Variants in CHST11 observed in about 807,000 individuals in gnomAD.
CHST11 encodes C4S-1.
CHST11 carries 9 observed loss-of-function variants against 30.4 expected under a neutral mutation model. The observed-to-expected ratio is 0.30, with a 90% confidence interval of 0.18 to 0.52. The LOEUF is 0.52. Among genes scored for constraint, CHST11 ranks in the 20% least tolerant of loss-of-function variants. CHST11 has a pLI of 0.97. For synonymous variants in CHST11, 152 were observed against 187.8 expected, an observed-to-expected ratio of 0.81 and a Z score of 1.56; for missense variants, 348 against 460.6, an observed-to-expected ratio of 0.76 and a Z score of 2.24.
At chr12:104,585,218 C>T (rs1419937696) in intron 1 of CHST11, among the ~76,000 whole-genome samples, 2 of 152,286 alleles carry the variant, frequency 1.3e-5, no homozygotes, top group South Asian at 2.1e-4. Context: ...GTTCAACAGC[C>T]GCACTTCAGC....
chr12:104,559,964 G>A (rs190313799), intron 1 of CHST11, among the ~76,000 whole-genome samples: 90 of 152,302 alleles, frequency 5.9e-4, no homozygotes, highest in Admixed American at 9.2e-4. Context: ...GGAAGGTACC[G>A]TTGAGGAAGT....
chr12:104,670,510 AAC>A (rs2039682695), intron 2 of CHST11, among the ~76,000 whole-genome samples: 1 of 146,308 alleles, frequency 6.8e-6, no homozygotes, highest in African/African-American at 2.6e-5. Flanking sequence ...CACTCACACA[AAC>A]ACATCCATAC....
chr12:104,529,143 T>G (rs2135993506), intron 1 of CHST11, among the ~76,000 whole-genome samples: 1 of 152,328 alleles, frequency 6.6e-6, no homozygotes, highest in South Asian at 2.1e-4. Context: ...GGGAAGGAGA[T>G]GAGGGCAAAT....
intron 1 of CHST11, among the ~76,000 whole-genome samples, chr12:104,463,783 C>T (rs191244223): frequency 2.6e-5 from 4 of 152,192 alleles, no homozygotes; most frequent in Admixed American, 2.0e-4. Flanking sequence ...ATGAAGGAGC[C>T]GGCCATGTTC....
At chr12:104,474,542 T>A (rs1037068899) in intron 1 of CHST11, among the ~76,000 whole-genome samples, 63 of 152,218 alleles carry the variant, frequency 4.1e-4, no homozygotes, top group Admixed American at 1.3e-3. Context: ...ATGAGATTTT[T>A]AAAAATAAAT....
At chr12:104,583,093 G>T (rs142714950) in intron 1 of CHST11, among the ~76,000 whole-genome samples, 1 of 152,086 alleles carries the variant, frequency 6.6e-6, no homozygotes, top group Non-Finnish European at 1.5e-5. Context: ...ACATACATAT[G>T]TGTTGTATAC....
chr12:104,536,693 C>A (rs948044214), intron 1 of CHST11, among the ~76,000 whole-genome samples: 1 of 152,164 alleles, frequency 6.6e-6, no homozygotes, highest in Non-Finnish European at 1.5e-5. Context: ...CCTCACAGGG[C>A]TTTTAAGAGA....
intron 2 of CHST11, among the ~76,000 whole-genome samples, chr12:104,651,341 T>C: frequency 6.6e-6 from 1 of 152,248 alleles, no homozygotes; most frequent in East Asian, 1.9e-4. Flanking sequence ...TTTGTTTCTT[T>C]GGAAGCTGCT....
At chr12:104,548,836 T>C (rs1036581691) in intron 1 of CHST11, among the ~76,000 whole-genome samples, 6 of 152,242 alleles carry the variant, frequency 3.9e-5, no homozygotes, top group African/African-American at 1.4e-4. Flanking sequence ...CAACCAAGAC[T>C]ATCTGAAAAG....
chr12:104,648,019 G>A (rs1235664288), intron 2 of CHST11, among the ~76,000 whole-genome samples: 1 of 152,226 alleles, frequency 6.6e-6, no homozygotes, highest in Non-Finnish European at 1.5e-5. Context: ...GGTCTCAGAA[G>A]CCACATGCTG....
At chr12:104,751,649 G>A (rs939204991) in intron 2 of CHST11, among the ~76,000 whole-genome samples, 3 of 152,176 alleles carry the variant, frequency 2.0e-5, no homozygotes, top group African/African-American at 4.8e-5. Context: ...GAATGCCTAC[G>A]TATTAACTAC....
intron 2 of CHST11, among the ~76,000 whole-genome samples, chr12:104,672,400 G>C (rs1354451743): frequency 6.6e-6 from 1 of 152,226 alleles, no homozygotes; most frequent in African/African-American, 2.4e-5. Context: ...CAGAAATGGA[G>C]AATAAAGAGA....
Position 104,759,904 on chromosome 12 carries a change from T to A in CHST11, c.*2101T>A. ...TCCTCAGAAATGGGACTTCTGATAA[T>A]GAAACAGGTTGTCCAACATTTTCTA... On this transcript the variant is annotated 3_prime_UTR_variant, in exon 3 of 3. Transcript: ENST00000303694. The A allele has an allele frequency of 6.6e-6, 1 of 152,230 alleles. No individual in the cohort carries two copies. The highest frequency in any genetic ancestry group is 1.9e-4 in the East Asian group (1 of 5,200). The allele number at this position is 152,230 out of a possible 1,614,324, so 9.4% of individuals were successfully genotyped here.
chr12:104,740,836 A>G (rs2040340758), intron 2 of CHST11, among the ~76,000 whole-genome samples: 1 of 152,186 alleles, frequency 6.6e-6, no homozygotes, highest in South Asian at 2.1e-4. Context: ...AGCCGCAGAG[A>G]TGTCTGACTT....
At chr12:104,630,827 G>A (rs2039263245) in intron 2 of CHST11, among the ~76,000 whole-genome samples, 1 of 152,184 alleles carries the variant, frequency 6.6e-6, no homozygotes, top group Non-Finnish European at 1.5e-5. Context: ...CAGATATGAA[G>A]AAATGAGCAT....
Position 104,514,135 on chromosome 12 carries a change from C to A in CHST11, c.118+56606C>A, listed in dbSNP as rs574127574. On this transcript the variant is annotated intron_variant, in intron 1 of 2. Coordinates refer to ENST00000303694, the MANE Select transcript of CHST11 (RefSeq NM_018413.6). ...TCCTTCTTGAATAGCCCAGAGAATT[C>A]ATCTAAACAGCCTTCCTACAGCAGT... 1.1e-4 allele frequency: 130 copies of A among 1,197,546 alleles called. 1 individual carries two copies. The African/African-American group carries it at 1.5e-3, about 14-fold the overall frequency. The allele number at this position is 1,197,546 out of a possible 1,614,324, so 74.2% of individuals were successfully genotyped here. A position where few individuals can be genotyped will look rare whatever the true frequency, so the allele number is the denominator to read the frequency against.
intron 1 of CHST11, among the ~76,000 whole-genome samples, chr12:104,490,367 C>T (rs2037733199): frequency 6.6e-6 from 1 of 152,164 alleles, no homozygotes; most frequent in Non-Finnish European, 1.5e-5. Context: ...ATGAATCACC[C>T]CTGGCATGTG....
At chr12:104,756,553 G>GTA (rs1555250391) in intron 2 of CHST11, among the ~76,000 whole-genome samples, 8 of 151,664 alleles carry the variant, frequency 5.3e-5, no homozygotes, top group African/African-American at 1.9e-4. Context: ...GTGTGTGTGT[G>GTA]TGTGTGTGTT....
Position 104,600,413 on chromosome 12 carries a change from G to A in CHST11, c.119-1493G>A, listed in dbSNP as rs2038947300. ...GATAGCCACAAATAGAGAAGTTCCC[G>A]CCTTCCTCCCAGGGGGATCTAAAAT... On this transcript the variant is annotated intron_variant, in intron 1 of 2. Transcript: ENST00000303694. This position sits in a 1 kb window ranked among gnomAD's most constrained non-coding sequence, Gnocchi z 4.1. 1.3e-5 allele frequency among the ~76,000 whole-genome samples: 2 copies of A among 152,130 alleles called. No individual in the cohort carries two copies. The highest frequency in any genetic ancestry group is 2.4e-5 in the African/African-American group (1 of 41,418).
Sources: gnomAD v4.1 joint callset for allele counts (sites outside exome capture counted in the v4.1 genomes callset) on GRCh38, gnomAD v4.1.1 for gene constraint, Gnocchi (gnomAD v3.1) non-coding constraint, MANE v1.5 for transcripts, NCBI Gene and HGNC (gene_info 2026-07-23, HGNC 2026-07-21) for gene names.